FNIP2: variants seen among roughly 807,000 people sequenced by gnomAD.
The protein encoded by FNIP2 is folliculin interacting protein 2, also known as folliculin-interacting protein 2.
A neutral mutation model predicts 108.7 loss-of-function variants in FNIP2; 32 were observed. The observed-to-expected ratio is 0.29, with a 90% CI of 0.22 to 0.40. The LOEUF is 0.40. Ranked by LOEUF, FNIP2 falls within the 10% of genes least tolerant of loss-of-function variation. The pLI, the probability that FNIP2 is intolerant of heterozygous loss-of-function variation, is 1.00. For synonymous variants in FNIP2, 480 were observed against 496.7 expected (o/e 0.97, Z 0.45); for missense variants, 1,202 against 1,381.6 (o/e 0.87, Z 2.06).
chr4:158,849,372 A>G (rs1250923549), intron 7 of FNIP2, among the ~76,000 whole-genome samples: 1 of 152,198 alleles, frequency 6.6e-6, no homozygotes, highest in East Asian at 1.9e-4. Context: ...CCTTTGGTTC[A>G]AAGTGCTCAG....
intron 8 of FNIP2, among the ~76,000 whole-genome samples, chr4:158,858,014 T>A (rs542514207): frequency 2.0e-5 from 3 of 152,304 alleles, no homozygotes; most frequent in Admixed American, 2.0e-4. Flanking sequence ...GTATGTTTAA[T>A]AATAAAATCT....
intron 1 of FNIP2, among the ~76,000 whole-genome samples, chr4:158,772,766 T>C (rs1391680785): frequency 1.3e-5 from 2 of 152,228 alleles, no homozygotes; most frequent in Admixed American, 6.5e-5. Flanking sequence ...GCGCTCTACC[T>C]GTATAAATCC....
intron 8 of FNIP2, among the ~76,000 whole-genome samples, chr4:158,856,009 G>A (rs980718233): frequency 6.6e-6 from 1 of 152,144 alleles, no homozygotes; most frequent in South Asian, 2.1e-4. Context: ...AATGTTTTCA[G>A]TATTCACAAT....
In FNIP2 at chr4:158,859,189, G is replaced by T; in HGVS notation, c.990G>T (p.Gln330His). 6.2e-7 allele frequency: 1 copy of T among 1,613,540 alleles called. No homozygotes were observed. The highest frequency in any genetic ancestry group is 8.5e-7 in the Non-Finnish European group (1 of 1,179,684). ...AAGAAGAAGCACAAAGGAATTTCCA[G>T]GACTTCTTCTTTTCTCATTTTCCCC... ...CEKEEAQRNFQDFFFSHFPLF... is the reference protein window; with the variant it reads ...CEKEEAQRNFHDFFFSHFPLF... The change falls in exon 9 of 17, where the codon CAG becomes CAT. Residue 330 changes from glutamine to histidine, a missense_variant. Transcript: ENST00000264433.
chr4:158,772,229 T>C (rs1036143890), intron 1 of FNIP2, among the ~76,000 whole-genome samples: 1 of 152,064 alleles, frequency 6.6e-6, no homozygotes, highest in African/African-American at 2.4e-5. Flanking sequence ...ACCAGAAAAA[T>C]AAATTAGGAC....
intron 1 of FNIP2, among the ~76,000 whole-genome samples, chr4:158,804,413 CT>C (rs35175799): frequency 2.8e-4 from 38 of 135,562 alleles, no homozygotes; most frequent in Admixed American, 3.8e-4. Context: ...GTATTATACA[CT>C]TTTTTTTTTT....
intron 3 of FNIP2, among the ~76,000 whole-genome samples, chr4:158,831,347 G>A (rs1329214690): frequency 2.6e-5 from 4 of 152,168 alleles, no homozygotes; most frequent in Non-Finnish European, 5.9e-5. Context: ...GTCAAATGTT[G>A]TTGAAATACT....
Position 158,851,180 on chromosome 4 carries a change from G to A in FNIP2, c.728-141G>A, listed in dbSNP as rs144528182. ...TGCGGGTTTTGTCATTTTTTTAGTG[G>A]CGAAGTGTACAGTTTAGTGATATTA... On this transcript the variant is annotated intron_variant, in intron 7 of 16. Transcript: ENST00000264433. 4.2e-4 allele frequency: 376 copies of A among 900,242 alleles called. 1 individual carries two copies. The African/African-American group carries it at 5.7e-3, about 14-fold the overall frequency. The allele number at this position is 900,242 out of a possible 1,614,324, so 55.8% of individuals were successfully genotyped here.
chr4:158,825,534 A>G (rs1778107884), intron 1 of FNIP2, among the ~76,000 whole-genome samples: 1 of 152,030 alleles, frequency 6.6e-6, no homozygotes, highest in African/African-American at 2.4e-5. Flanking sequence ...AAGCCTTAAC[A>G]CTCCTTTAAC....
intron 6 of FNIP2, chr4:158,834,280 T>C (rs1436640310): frequency 2.8e-5 from 1 of 35,442 alleles, no homozygotes; most frequent in Non-Finnish European, 7.2e-5. Context: ...AATAAGAGCA[T>C]GGAAGACTTC....
rs991180972 is a variant in FNIP2, at chr4:158,859,671, A to G, written c.1148+5A>G. 1.3e-5 allele frequency: 21 copies of G among 1,611,630 alleles called. No individual in the cohort carries two copies. The highest frequency in any genetic ancestry group is 4.0e-5 in the African/African-American group (3 of 74,892). ...GGAAGCTCTGGGAGAATTCAGGTAA[A>G]GTGGCAAAGTTTGGCAAATCCAACA... On this transcript the variant is annotated splice_donor_5th_base_variant and intron_variant, in intron 10 of 16. Transcript: ENST00000264433.
At position 158,895,760 on chromosome 4, in the gene FNIP2, A is replaced by G. The variant is rs1401051255; in HGVS notation, c.3161A>G (p.His1054Arg). The change falls in exon 16 of 17, where the codon CAT (histidine) becomes CGT (arginine). Residue 1054 changes from histidine (H) to arginine (R), a missense_variant. His to Arg is a conservative substitution (Grantham distance 29). Coordinates refer to ENST00000264433, the MANE Select transcript of FNIP2 (RefSeq NM_020840.3). ...TTCTTGGCTTTGCAGTGCATCATGC[A>G]TCTTGAAGATAGACTACAGGAGATG... ...LHLPADFCIM[H>R]LEDRLQEMYL... 2 of 1,608,832 alleles carry G rather than the reference A, an allele frequency of 1.2e-6. No homozygotes were observed. The highest frequency in any genetic ancestry group is 1.3e-5 in the African/African-American group (1 of 74,820).
At chr4:158,831,735 C>A in intron 3 of FNIP2, 126 bp from the exon 4 acceptor site, 1 of 659,062 alleles carries the variant, frequency 1.5e-6, no homozygotes, top group Non-Finnish European at 2.7e-6. Flanking sequence ...TGTAAGATGA[C>A]CACTTGAAGC....
At chr4:158,858,393 G>C (rs1171487202) in intron 8 of FNIP2, among the ~76,000 whole-genome samples, 1 of 152,130 alleles carries the variant, frequency 6.6e-6, no homozygotes, top group Non-Finnish European at 1.5e-5. Context: ...ATTTTTGTGA[G>C]GCTTACCCCA....
chr4:158,845,655 A>G (rs1578904293), intron 7 of FNIP2, among the ~76,000 whole-genome samples: 1 of 152,236 alleles, frequency 6.6e-6, no homozygotes, highest in South Asian at 2.1e-4. Context: ...TGCCATTCAG[A>G]TAGTGAGCCA....
intron 1 of FNIP2, among the ~76,000 whole-genome samples, chr4:158,799,503 A>G (rs1776693732): frequency 6.6e-6 from 1 of 152,192 alleles, no homozygotes; most frequent in African/African-American, 2.4e-5. Context: ...GACACCTTCT[A>G]CCTTACTTGA....
intron 1 of FNIP2, among the ~76,000 whole-genome samples, chr4:158,817,693 G>A (rs1777654017): frequency 6.6e-6 from 1 of 152,142 alleles, no homozygotes. Context: ...GATCACAGGC[G>A]CCCACCGCCA....
intron 12 of FNIP2, among the ~76,000 whole-genome samples, chr4:158,862,878 T>A (rs898095961): frequency 6.6e-6 from 1 of 152,240 alleles, no homozygotes; most frequent in Non-Finnish European, 1.5e-5. Flanking sequence ...TTGTATTCCA[T>A]GCTGCTGGAT....
chr4:158,830,082 T>G lies in FNIP2; in HGVS notation c.381+857T>G, dbSNP rs78786322. On this transcript the variant is annotated intron_variant, in intron 3 of 16. Transcript: ENST00000264433. ...GAGAATCACAGTTGGCATGTGGCCC[T>G]TGTACCCCAAGAAAAAGCAGATTAT... Among the ~76,000 whole-genome samples, 1,095 of 152,158 alleles carry G rather than the reference T, an allele frequency of 7.2e-3. 12 individuals are homozygous for G. The highest frequency in any genetic ancestry group is 0.02 in the Middle Eastern group (6 of 294).
Sources: allele counts gnomAD v4.1 joint callset (sites outside exome capture counted in the v4.1 genomes callset), GRCh38; gene constraint gnomAD v4.1.1; transcripts MANE v1.5; gene names NCBI Gene and HGNC (gene_info 2026-07-23, HGNC 2026-07-21).